NT5DC3: variants seen among roughly 807,000 people sequenced by gnomAD.
NT5DC3 encodes the protein 5'-nucleotidase domain containing 3, also known as 5'-nucleotidase domain-containing protein 3.
Under a neutral mutation model 67.8 loss-of-function variants are expected in NT5DC3, and 42 were observed. That is an observed-to-expected ratio of 0.62 (90% CI 0.48 to 0.80). The LOEUF is 0.80. Among genes scored for constraint, NT5DC3 ranks in the 30% least tolerant of loss-of-function variants. The pLI, the probability that NT5DC3 is intolerant of heterozygous loss-of-function variation, is 0.00. For synonymous variants in NT5DC3, 237 were observed against 255.6 expected (o/e 0.93, Z 0.69); for missense variants, 570 against 696.4 (o/e 0.82, Z 2.04).
At chr12:103,825,742 G>A (rs1240970963) in intron 1 of NT5DC3, among the ~76,000 whole-genome samples, 1 of 152,240 alleles carries the variant, frequency 6.6e-6, no homozygotes, top group African/African-American at 2.4e-5. Flanking sequence ...CCACTGCACT[G>A]TAGCCTAGGA....
intron 2 of NT5DC3, among the ~76,000 whole-genome samples, chr12:103,811,799 A>G (rs1306362178): frequency 6.6e-6 from 1 of 152,244 alleles, no homozygotes; most frequent in Non-Finnish European, 1.5e-5. Context: ...TTGGGTGTAT[A>G]CATACAGGAA....
At chr12:103,763,331 G>T in the NT5DC3 span, 1 of 649,568 alleles carries the variant, frequency 1.5e-6, no homozygotes. Context: ...TGAATCTAAA[G>T]GTTGGTAAAT....
intron 1 of NT5DC3, among the ~76,000 whole-genome samples, chr12:103,817,701 A>T (rs747694437): frequency 6.6e-6 from 1 of 152,216 alleles, no homozygotes. Flanking sequence ...TTATTTGCTA[A>T]GGATACACCA....
At chr12:103,815,167 G>T (rs892356660) in intron 1 of NT5DC3, 46 bp from the exon 2 acceptor site, 7 of 1,255,168 alleles carry the variant, frequency 5.6e-6, no homozygotes, top group Middle Eastern at 2.6e-4. Flanking sequence ...AATAAATAAG[G>T]GTTAGTATGA....
rs1386094445 is a variant in NT5DC3 at position 103,774,475 on chromosome 12, A to T, written c.*3354T>A. The T allele has an allele frequency of 6.6e-6, 1 of 152,180 alleles. No individual in the cohort carries two copies. Among genetic ancestry groups the T allele is most frequent in the Admixed American group, 6.5e-5 (1 of 15,274 alleles). The allele number at this position is 152,180 out of a possible 1,614,324, so 9.4% of individuals were successfully genotyped here. The stretch of plus-strand genomic sequence containing the variant: ...GGCAGGTGGATTACCCAAGGTCAGG[A>T]GTTCGAGACCAGCCTGGCCAACATG... On this transcript the variant is annotated 3_prime_UTR_variant, in exon 14 of 14. Transcript: ENST00000392876.
intron 1 of NT5DC3, among the ~76,000 whole-genome samples, chr12:103,836,872 C>G (rs1888170027): frequency 6.6e-6 from 1 of 152,154 alleles, no homozygotes; most frequent in Non-Finnish European, 1.5e-5. Flanking sequence ...CAGGTGCAAG[C>G]TGTCGGTGGA....
At chr12:103,810,094 G>T (rs1886966180) in intron 2 of NT5DC3, among the ~76,000 whole-genome samples, 1 of 152,210 alleles carries the variant, frequency 6.6e-6, no homozygotes, top group Admixed American at 6.5e-5. Flanking sequence ...AAATTGAGTG[G>T]CTTCGCTGGA....
chr12:103,775,640 A>T lies in NT5DC3; in HGVS notation c.*2189T>A, dbSNP rs929813852. On this transcript the variant is annotated 3_prime_UTR_variant, in exon 14 of 14. Coordinates refer to ENST00000392876, the MANE Select transcript of NT5DC3 (RefSeq NM_001031701.3). ...CTGATGGCGAAAACACCTAGAAGCA[A>T]GCAAACAATAAACAAAATGCCTACC... 2.6e-5 allele frequency: 4 copies of T among 152,224 alleles called. No individual in the cohort carries two copies. Among genetic ancestry groups the T allele is most frequent in the African/African-American group, 9.6e-5 (4 of 41,458 alleles). The allele number at this position is 152,224 out of a possible 1,614,324, so 9.4% of individuals were successfully genotyped here. A position where few individuals can be genotyped will look rare whatever the true frequency, so the allele number is the denominator to read the frequency against.
intron 12 of NT5DC3, among the ~76,000 whole-genome samples, chr12:103,783,468 G>C (rs1389200423): frequency 1.3e-5 from 2 of 152,158 alleles, no homozygotes; most frequent in African/African-American, 4.8e-5. Flanking sequence ...ACTTCAAAGA[G>C]TTTCTGTGAA....
At chr12:103,749,994 G>A in the NT5DC3 span, among the ~76,000 whole-genome samples, 897 of 152,212 alleles carry the variant, frequency 5.9e-3, 10 homozygotes, top group African/African-American at 0.02. Context: ...CTGACAAGCT[G>A]TGTGACCTGG....
intron 7 of NT5DC3, 54 bp from the exon 8 acceptor site, chr12:103,793,566 G>T: frequency 7.7e-7 from 1 of 1,305,372 alleles, no homozygotes; most frequent in Non-Finnish European, 1.1e-6. Flanking sequence ...TTGTCAATCT[G>T]CAAGTACTTT....
chr12:103,755,671 C>G, the NT5DC3 span: 1 of 1,614,038 alleles, frequency 6.2e-7, no homozygotes, highest in Non-Finnish European at 8.5e-7. Flanking sequence ...CAGTGGGAAC[C>G]TGCTGCAGGT....
chr12:103,808,977 T>G (rs548370835), intron 2 of NT5DC3, among the ~76,000 whole-genome samples: 1 of 152,306 alleles, frequency 6.6e-6, no homozygotes, highest in African/African-American at 2.4e-5. Context: ...CTCAAGCCTA[T>G]TTTACTATTG....
chr12:103,758,310 C>T, the NT5DC3 span: 1 of 1,611,380 alleles, frequency 6.2e-7, no homozygotes, highest in South Asian at 1.1e-5. Context: ...TCCCTGGTGC[C>T]TTTGCTTTAG....
At chr12:103,795,837 A>T (rs4964812) in intron 6 of NT5DC3, among the ~76,000 whole-genome samples, 2 of 152,036 alleles carry the variant, frequency 1.3e-5, no homozygotes, top group Non-Finnish European at 2.9e-5. Flanking sequence ...TGATTTGTAC[A>T]GTAAGTCCTT....
At chr12:103,746,640 CT>C in the NT5DC3 span, 1 of 1,614,014 alleles carries the variant, frequency 6.2e-7, no homozygotes, top group African/African-American at 1.3e-5. Context: ...CTCATGCCAC[CT>C]GTAAGGAGAA....
Position 103,793,962 on chromosome 12 carries a change from C to T in NT5DC3, c.789G>A (p.Met263Ile). Residue 263 changes from methionine to isoleucine, a missense_variant, in exon 7 of 14, where the codon ATG becomes ATA. Physicochemically the swap from Met to Ile is conservative, Grantham distance 10. Transcript: ENST00000392876. ...SIRDVHIKGI[M>I]YRAIEADIEK... The stretch of plus-strand genomic sequence containing the variant: ...CAATGTCTGCTTCAATTGCTCTGTA[C>T]ATTATTCCTTTGATGTGGACGTCTC... 1 of 1,613,692 alleles carries T rather than the reference C, an allele frequency of 6.2e-7. No homozygotes were observed. Among genetic ancestry groups the T allele is most frequent in the Non-Finnish European group, 8.5e-7 (1 of 1,179,576 alleles).
intron 1 of NT5DC3, among the ~76,000 whole-genome samples, chr12:103,817,905 C>T (rs1049138021): frequency 9.2e-5 from 14 of 152,220 alleles, no homozygotes; most frequent in African/African-American, 2.9e-4. Context: ...CTCTAAAAAG[C>T]CACCTGAAAC....
At chr12:103,747,543 C>T in the NT5DC3 span, among the ~76,000 whole-genome samples, 1 of 143,624 alleles carries the variant, frequency 7.0e-6, no homozygotes, top group Admixed American at 7.3e-5. Flanking sequence ...ACCTCCTTCC[C>T]TTTAAGAATG....
Sources: gnomAD v4.1 joint callset for allele counts (sites outside exome capture counted in the v4.1 genomes callset) on GRCh38, gnomAD v4.1.1 for gene constraint, MANE v1.5 for transcripts, NCBI Gene and HGNC (gene_info 2026-07-23, HGNC 2026-07-21) for gene names.